ARHGEF12: variants seen among roughly 807,000 people sequenced by gnomAD.
The protein encoded by ARHGEF12 is KMT2A/ARHGEF12 fusion protein.
ARHGEF12 carries 66 observed loss-of-function variants against 211.2 expected under a neutral mutation model. The ratio of observed to expected loss-of-function variants is 0.31; its 90% CI spans 0.26 to 0.38. The LOEUF (loss-of-function observed/expected upper bound fraction) is 0.38, where lower values mean the gene tolerates loss of function less well. Ranked by LOEUF, ARHGEF12 falls within the 10% of genes least tolerant of loss-of-function variation. The pLI, the probability that ARHGEF12 is intolerant of heterozygous loss-of-function variation, is 1.00. For synonymous variants in ARHGEF12, 592 were observed against 638.4 expected, an observed-to-expected ratio of 0.93 and a Z score of 1.09; for missense variants, 1,429 against 1,869.5, an observed-to-expected ratio of 0.76 and a Z score of 4.34.
intron 1 of ARHGEF12, among the ~76,000 whole-genome samples, chr11:120,355,572 G>T (rs1943109512): frequency 6.6e-6 from 1 of 152,076 alleles, no homozygotes; most frequent in South Asian, 2.1e-4. Context: ...CTTTTAGCGG[G>T]GCACAGTACC....
rs1946069545 is a variant in ARHGEF12 at position 120,447,123 on chromosome 11, C to G, written c.1589+38C>G. The G allele has an allele frequency of 2.5e-6, 4 of 1,602,406 alleles. No individual in the cohort carries two copies. The South Asian group carries it at 4.5e-5, about 18-fold the overall frequency. Reference sequence around the variant, plus strand: ...AGTATATGTGGAAATGCCCTCTCTGCTGAGATACTAGTTATGCTTGAAGTG... The same window carrying G: ...AGTATATGTGGAAATGCCCTCTCTGGTGAGATACTAGTTATGCTTGAAGTG... On this transcript the variant is annotated intron_variant, in intron 18 of 40. Transcript: ENST00000397843.
chr11:120,353,327 C>T (rs938871919), intron 1 of ARHGEF12, among the ~76,000 whole-genome samples: 3 of 152,236 alleles, frequency 2.0e-5, no homozygotes, highest in African/African-American at 7.2e-5. Context: ...GTCGCAGAAT[C>T]TTGAGGTCCA....
At chr11:120,443,098 T>C (rs1945932686) in intron 15 of ARHGEF12, among the ~76,000 whole-genome samples, 2 of 149,754 alleles carry the variant, frequency 1.3e-5, no homozygotes, top group South Asian at 4.3e-4. Flanking sequence ...TGCACCTCAC[T>C]GGAAGCTCTG....
chr11:120,467,380 A>G (rs554843620), intron 29 of ARHGEF12, 72 bp downstream of exon 29: 27 of 854,544 alleles, frequency 3.2e-5, no homozygotes, highest in Non-Finnish European at 4.9e-5. Context: ...TGTAAATAAT[A>G]TCTTACAGCG....
intron 30 of ARHGEF12, among the ~76,000 whole-genome samples, chr11:120,469,651 G>A (rs1348842939): frequency 6.6e-6 from 1 of 152,174 alleles, no homozygotes; most frequent in Non-Finnish European, 1.5e-5. Context: ...AACATCTACT[G>A]TATGCTGGGC....
chr11:120,405,205 C>A (rs1172782067), intron 1 of ARHGEF12, among the ~76,000 whole-genome samples: 1 of 151,882 alleles, frequency 6.6e-6, no homozygotes, highest in African/African-American at 2.4e-5. Context: ...TTTTTTAAAA[C>A]CCTAGTTTTA....
rs1947416167 is a variant in ARHGEF12, at chr11:120,487,121, T to C, written c.*2044T>C. The C allele has an allele frequency of 9.6e-6, 2 of 207,614 alleles. No homozygotes were observed. Among genetic ancestry groups the C allele is most frequent in the Non-Finnish European group, 1.9e-5 (2 of 106,376 alleles). 12.9% of individuals were successfully genotyped at this position (207,614 alleles called of 1,614,324 possible). ...CGAGGGCAATTAATCAGGAGAAAAG[T>C]AAATATAAAAACTTTGCTCTTAACG... On this transcript the variant is annotated 3_prime_UTR_variant, in exon 41 of 41. Transcript: ENST00000397843.
chr11:120,469,478 A>ATT, intron 30 of ARHGEF12, 90 bp downstream of exon 30: 10 of 1,050,144 alleles, frequency 9.5e-6, no homozygotes, highest in Non-Finnish European at 1.2e-5. Flanking sequence ...TGTTAAAACT[A>ATT]TCATTACCTA....
intron 4 of ARHGEF12, among the ~76,000 whole-genome samples, chr11:120,414,310 T>C (rs1944966135): frequency 6.6e-6 from 1 of 152,200 alleles, no homozygotes; most frequent in South Asian, 2.1e-4. Context: ...AATCAAATTA[T>C]TATAGTTGGA....
chr11:120,419,303 C>T (rs1945116471), intron 4 of ARHGEF12, among the ~76,000 whole-genome samples: 1 of 151,800 alleles, frequency 6.6e-6, no homozygotes, highest in Admixed American at 6.6e-5. Context: ...AATTTTTGTC[C>T]AGTTTCCTAG....
chr11:120,476,397 T>G, intron 33 of ARHGEF12: 2 of 281,616 alleles, frequency 7.1e-6, no homozygotes, highest in Non-Finnish European at 1.3e-5. Flanking sequence ...TTGACATGCT[T>G]TTAGCAAAGT....
At chr11:120,398,813 A>G (rs1944465219) in intron 1 of ARHGEF12, among the ~76,000 whole-genome samples, 1 of 152,180 alleles carries the variant, frequency 6.6e-6, no homozygotes, top group South Asian at 2.1e-4. Context: ...TTTAATTGTA[A>G]TGATATTGGT....
intron 1 of ARHGEF12, among the ~76,000 whole-genome samples, chr11:120,386,683 T>C (rs1290772062): frequency 6.6e-6 from 1 of 152,166 alleles, no homozygotes; most frequent in African/African-American, 2.4e-5. Flanking sequence ...TGCAGTGTTA[T>C]ATATTTATGT....
At chr11:120,450,228 G>A (rs1173857040) in intron 21 of ARHGEF12, 2 of 152,166 alleles carry the variant, frequency 1.3e-5, no homozygotes, top group Non-Finnish European at 2.9e-5. Context: ...GCCAAAATAA[G>A]CTGTGTATCA....
chr11:120,340,318 A>G (rs1388851137), intron 1 of ARHGEF12, among the ~76,000 whole-genome samples: 3 of 152,204 alleles, frequency 2.0e-5, no homozygotes, highest in Non-Finnish European at 4.4e-5. Flanking sequence ...TATAACATTG[A>G]ATTTTCAGGG....
chr11:120,352,657 G>A (rs1943020249), intron 1 of ARHGEF12, among the ~76,000 whole-genome samples: 2 of 152,106 alleles, frequency 1.3e-5, no homozygotes, highest in Non-Finnish European at 2.9e-5. Flanking sequence ...GTGTGGCAAT[G>A]GCCCTGTGCT....
intron 21 of ARHGEF12, chr11:120,451,286 C>G: frequency 2.4e-6 from 1 of 413,510 alleles, no homozygotes; most frequent in Non-Finnish European, 4.4e-6. Context: ...TGGAGCGATT[C>G]TCCTGCCTCA....
chr11:120,339,023 T>TA (rs71471002), intron 1 of ARHGEF12, among the ~76,000 whole-genome samples: 11 of 149,786 alleles, frequency 7.3e-5, no homozygotes, highest in African/African-American at 2.7e-4. Flanking sequence ...TTTTTTTTTT[T>TA]GGCCAGGCAC....
At chr11:120,481,760 CTTTT>C (rs765155466) in intron 39 of ARHGEF12, among the ~76,000 whole-genome samples, 184 bp downstream of exon 39, 3 of 138,394 alleles carry the variant, frequency 2.2e-5, no homozygotes, top group Admixed American at 1.4e-4. Flanking sequence ...TTCTTTCTTT[CTTTT>C]TTTTTTTTTT....
Sources: allele counts gnomAD v4.1 joint callset (sites outside exome capture counted in the v4.1 genomes callset), GRCh38; gene constraint gnomAD v4.1.1; transcripts MANE v1.5; gene names NCBI Gene and HGNC (gene_info 2026-07-23, HGNC 2026-07-21).